The following KANSL3 variants were observed in gnomAD, a reference collection of about 807,000 sequenced individuals.
The protein encoded by KANSL3 is NSL complex protein NSL3.
Under a neutral mutation model 89.2 loss-of-function variants are expected in KANSL3, and 16 were observed. That is an observed-to-expected ratio of 0.18 (90% confidence interval 0.12 to 0.27). KANSL3 has a LOEUF of 0.27. KANSL3 is among the 10% of genes least tolerant of loss of function. KANSL3 has a pLI of 1.00. For missense variants in KANSL3, 879 were observed against 1,110.6 expected (o/e 0.79, Z 2.96); for synonymous variants, 385 against 419.7 (o/e 0.92, Z 1.01).
At chr2:96,597,762 C>A (rs2104867982) in intron 20 of KANSL3, among the ~76,000 whole-genome samples, 1 of 152,188 alleles carries the variant, frequency 6.6e-6, no homozygotes, top group East Asian at 1.9e-4. Flanking sequence ...GCCACCACAT[C>A]CAGCTAATTT....
chr2:96,603,290 A>AT (rs923322883), intron 17 of KANSL3: 169 of 154,796 alleles, frequency 1.1e-3, no homozygotes, highest in African/African-American at 3.1e-3. Context: ...ATTTTATTTT[A>AT]TTTTTTTTTG....
chr2:96,588,701 G>A (rs1292249156), downstream of KANSL3, among the ~76,000 whole-genome samples: 2 of 151,658 alleles, frequency 1.3e-5, no homozygotes, highest in African/African-American at 2.4e-5. Flanking sequence ...AGCAATTCTC[G>A]TGCCTCAGCC....
chr2:96,636,842 C>T (rs2074319064), intron 2 of KANSL3, 79 bp downstream of exon 2: 1 of 1,212,414 alleles, frequency 8.2e-7, no homozygotes, highest in African/African-American at 1.5e-5. Context: ...CCCAGTCAAT[C>T]CTGAGAAAAT....
chr2:96,633,212 T>C (rs6753926), intron 2 of KANSL3, among the ~76,000 whole-genome samples: 115,125 of 151,342 alleles, frequency 0.76, 44,763 homozygotes, highest in African/African-American at 0.91. Context: ...GAGCCAAAAT[T>C]GCACCACTGT....
In KANSL3 at chr2:96,636,549, C is replaced by G. The variant is rs958036856; in HGVS notation, c.215+372G>C. ...GCTATTGTTGCCACTGTCAAGCAAC[C>G]CAGAGCACTGGACTAATGTGATAAA... On this transcript the variant is annotated intron_variant, in intron 2 of 20. Coordinates refer to ENST00000431828, the MANE Select transcript of KANSL3 (RefSeq NM_001115016.3). Among the ~76,000 whole-genome samples, 43 of 152,172 alleles carry G rather than the reference C, an allele frequency of 2.8e-4. 2 individuals carry two copies. The highest frequency in any genetic ancestry group is 4.4e-5 in the Non-Finnish European group (3 of 68,032).
chr2:96,622,167 T>C (rs1250751647), intron 3 of KANSL3, among the ~76,000 whole-genome samples: 1 of 151,066 alleles, frequency 6.6e-6, no homozygotes, highest in Admixed American at 6.6e-5. Context: ...CTCACGCCTA[T>C]AATCCCAGCA....
rs1558673713 is a variant in KANSL3 at position 96,605,361 on chromosome 2, G to A, written c.1892C>T (p.Ala631Val). The change falls in exon 15 of 21, where the codon GCT (alanine) becomes GTT (valine). Residue 631 changes from alanine to valine, a missense_variant. Ala to Val is a moderately conservative substitution (Grantham distance 64, BLOSUM62 0). Around this residue, in one of 6 missense-constraint regions of KANSL3, gnomAD observed 317 missense variants for 311.2 expected, o/e 1.02. Transcript: ENST00000431828. Reference protein sequence around the residue: ...KVSLISQGDTAGGPCAPSQGS... With the variant: ...KVSLISQGDTVGGPCAPSQGS... ...TTGGGAAGGAGCACAAGGCCCTCCA[G>A]CTGTGTCCCCTTGGGAGATAAGGGA... 6.2e-7 allele frequency: 1 copy of A among 1,613,486 alleles called. No individual in the cohort carries two copies. The highest frequency in any genetic ancestry group is 1.3e-5 in the African/African-American group (1 of 74,922).
intron 3 of KANSL3, among the ~76,000 whole-genome samples, chr2:96,629,417 G>A (rs1296613024): frequency 2.0e-5 from 3 of 152,116 alleles, no homozygotes; most frequent in Non-Finnish European, 2.9e-5. Context: ...CCGCCTCCCA[G>A]GTTCAAGTGA....
chr2:96,621,617 C>T (rs1366276263), intron 3 of KANSL3, among the ~76,000 whole-genome samples: 4 of 150,628 alleles, frequency 2.7e-5, no homozygotes, highest in Non-Finnish European at 5.9e-5. Context: ...AAGTTCAAGT[C>T]CAGCCAGGGC....
chr2:96,606,997 G>C, intron 14 of KANSL3: 2 of 1,289,688 alleles, frequency 1.6e-6, no homozygotes, highest in Non-Finnish European at 2.0e-6. Flanking sequence ...GTGCCAGGAG[G>C]AAGAGCTTTC....
At chr2:96,607,395 C>A (rs2068159151) in intron 14 of KANSL3, among the ~76,000 whole-genome samples, 1 of 152,204 alleles carries the variant, frequency 6.6e-6, no homozygotes, top group African/African-American at 2.4e-5. Flanking sequence ...TCCCCCATGA[C>A]ACCCTAGATC....
Position 96,619,549 on chromosome 2 carries a change from A to G in KANSL3, c.478-5T>C, listed in dbSNP as rs1342390961. On this transcript the variant is annotated splice_polypyrimidine_tract_variant and splice_region_variant and intron_variant, in intron 4 of 20. Coordinates refer to ENST00000431828, the MANE Select transcript of KANSL3 (RefSeq NM_001115016.3). ...CAGCACTGGCTCATTACAAGCCTGA[A>G]GGATGTAAGTGGAAGTAATAAAACA... The G allele has an allele frequency of 1.2e-6, 2 of 1,612,540 alleles. No homozygotes were observed. The highest frequency in any genetic ancestry group is 1.1e-5 in the South Asian group (1 of 91,060).
downstream of KANSL3, chr2:96,593,139 G>A (rs2066328725): frequency 2.4e-6 from 1 of 419,794 alleles, no homozygotes; most frequent in Admixed American, 2.7e-5. Flanking sequence ...CATATGAGAA[G>A]TCAACTGAAA....
At chr2:96,597,463 G>A (rs752807528) in intron 20 of KANSL3, among the ~76,000 whole-genome samples, 1 of 152,170 alleles carries the variant, frequency 6.6e-6, no homozygotes, top group Non-Finnish European at 1.5e-5. Context: ...ATAGTCCAGT[G>A]CTCTGTCTGG....
chr2:96,588,643 T>C (rs539251229), downstream of KANSL3, among the ~76,000 whole-genome samples: 19 of 152,242 alleles, frequency 1.2e-4, no homozygotes, highest in African/African-American at 4.6e-4. Flanking sequence ...CAGGCTGAAG[T>C]ACAGTGGTGC....
intron 20 of KANSL3, among the ~76,000 whole-genome samples, chr2:96,598,321 G>A (rs1221928452): frequency 1.3e-5 from 2 of 152,156 alleles, no homozygotes. Flanking sequence ...CTAGACAAAG[G>A]AAAGCACACA....
Position 96,608,885 on chromosome 2 carries a change from G to A in KANSL3, c.1563C>T (p.Pro521=), listed in dbSNP as rs189536262. ...CTACCTCTGAGCCTGAGGGTGAGGC[G>A]GGCAGCTTGGCAGCTGGGGAGGCAG... The part of the protein sequence containing the change: ...SRPASPAAKL[P]ASPSGSEDLS... The change falls in exon 13 of 21, where the codon CCC becomes CCT. Residue 521 remains proline, a synonymous_variant. Coordinates refer to ENST00000431828, the MANE Select transcript of KANSL3 (RefSeq NM_001115016.3). The A allele has an allele frequency of 7.3e-5, 115 of 1,579,478 alleles. No homozygotes were observed. The highest frequency in any genetic ancestry group is 2.8e-4 in the African/African-American group (21 of 74,352).
At chr2:96,631,891 A>G (rs2073452040) in intron 2 of KANSL3, among the ~76,000 whole-genome samples, 2 of 152,070 alleles carry the variant, frequency 1.3e-5, no homozygotes, top group African/African-American at 4.8e-5. Context: ...TACCAAAAAT[A>G]CAAAAATTAG....
At chr2:96,636,689 T>C (rs983520312) in intron 2 of KANSL3, 3 of 452,210 alleles carry the variant, frequency 6.6e-6, no homozygotes, top group Non-Finnish European at 1.2e-5. Flanking sequence ...CTAAGTGGAA[T>C]AGGTTGTCTG....
Sources: allele counts gnomAD v4.1 joint callset (sites outside exome capture counted in the v4.1 genomes callset), GRCh38; gene constraint gnomAD v4.1.1; regional missense constraint gnomAD v4.1.1; transcripts MANE v1.5; gene names NCBI Gene and HGNC (gene_info 2026-07-23, HGNC 2026-07-21).